Variants in GXYLT2 observed in about 807,000 individuals in gnomAD.
GXYLT2 encodes glycosyltransferase 8 domain containing 4.
GXYLT2 carries 53 observed loss-of-function variants against 45.8 expected under a neutral mutation model. The ratio of observed to expected loss-of-function variants is 1.16; its 90% CI spans 0.93 to 1.46. GXYLT2 has a LOEUF of 1.46. GXYLT2 is among the 40% of genes most tolerant of loss of function. The pLI, the probability that GXYLT2 is intolerant of heterozygous loss-of-function variation, is 0.00. For missense variants in GXYLT2, 551 were observed against 544.4 expected (o/e 1.01, Z -0.12); for synonymous variants, 219 against 214.2 (o/e 1.02, Z -0.19).
intron 3 of GXYLT2, among the ~76,000 whole-genome samples, chr3:72,924,766 A>AT (rs573699884): frequency 5.3e-5 from 8 of 150,064 alleles, no homozygotes; most frequent in African/African-American, 9.8e-5. Flanking sequence ...ATTTTACCAG[A>AT]TTTTTTTTTT....
At chr3:72,927,575 C>T (rs1385200531) in intron 3 of GXYLT2, among the ~76,000 whole-genome samples, 1 of 152,156 alleles carries the variant, frequency 6.6e-6, no homozygotes, top group East Asian at 1.9e-4. Context: ...ATTAATATTA[C>T]ACCTCAGTAT....
intron 1 of GXYLT2, among the ~76,000 whole-genome samples, chr3:72,901,633 T>C (rs1283871242): frequency 7.8e-6 from 1 of 127,740 alleles, no homozygotes; most frequent in Non-Finnish European, 1.6e-5. Flanking sequence ...TGATCTCAGC[T>C]CACTGCAAGC....
At chr3:72,949,356 C>G (rs1710471287) in intron 3 of GXYLT2, among the ~76,000 whole-genome samples, 1 of 152,046 alleles carries the variant, frequency 6.6e-6, no homozygotes, top group Non-Finnish European at 1.5e-5. Flanking sequence ...GGGAAGCTTT[C>G]CTTACTTTTC....
chr3:72,922,074 G>T (rs1161684080), intron 2 of GXYLT2, 130 bp from the exon 3 acceptor site: 3 of 745,932 alleles, frequency 4.0e-6, no homozygotes, highest in Non-Finnish European at 4.5e-6. Context: ...AACATTCATA[G>T]TGGTGATGAA....
chr3:72,925,712 C>T (rs1709906830), intron 3 of GXYLT2, among the ~76,000 whole-genome samples: 1 of 152,124 alleles, frequency 6.6e-6, no homozygotes, highest in African/African-American at 2.4e-5. Flanking sequence ...AATGGAACTA[C>T]ATTTGAATTT....
At chr3:72,950,560 G>T (rs921223676) in intron 3 of GXYLT2, among the ~76,000 whole-genome samples, 1 of 152,062 alleles carries the variant, frequency 6.6e-6, no homozygotes, top group African/African-American at 2.4e-5. Context: ...GAGCCTAGGA[G>T]GTCAAGGCTC....
intron 1 of GXYLT2, among the ~76,000 whole-genome samples, chr3:72,895,493 T>G (rs911692930): frequency 2.3e-4 from 35 of 152,248 alleles, no homozygotes; most frequent in Admixed American, 1.5e-3. Flanking sequence ...TTGGCCATAT[T>G]GACACGGTTC....
At chr3:72,889,051 C>T (rs1709125406) in intron 1 of GXYLT2, among the ~76,000 whole-genome samples, 1 of 152,150 alleles carries the variant, frequency 6.6e-6, no homozygotes, top group Non-Finnish European at 1.5e-5. Flanking sequence ...ACAGAAAAGA[C>T]AGAGTGGGGG....
At chr3:72,944,441 G>C (rs1021182581) in intron 3 of GXYLT2, among the ~76,000 whole-genome samples, 1 of 151,948 alleles carries the variant, frequency 6.6e-6, no homozygotes, top group African/African-American at 2.4e-5. Context: ...TTTTAGTGGA[G>C]ATGGGGTTTC....
intron 3 of GXYLT2, among the ~76,000 whole-genome samples, chr3:72,938,269 C>T (rs555343988): frequency 2.6e-5 from 4 of 152,118 alleles, no homozygotes; most frequent in Admixed American, 1.3e-4. Context: ...GATGGAAAGA[C>T]GGACAAATGG....
chr3:72,924,638 C>T (rs1709887851), intron 3 of GXYLT2, among the ~76,000 whole-genome samples: 1 of 152,224 alleles, frequency 6.6e-6, no homozygotes, highest in African/African-American at 2.4e-5. Flanking sequence ...AGGTCACTAA[C>T]TTGGTTTGGG....
intron 2 of GXYLT2, among the ~76,000 whole-genome samples, chr3:72,911,972 T>C (rs1709633208): frequency 6.9e-6 from 1 of 144,576 alleles, no homozygotes; most frequent in African/African-American, 2.6e-5. Context: ...TGTGTGTGTG[T>C]GTGCATGTGT....
At chr3:72,928,785 CA>C (rs10688804) in intron 3 of GXYLT2, among the ~76,000 whole-genome samples, 5 of 150,320 alleles carry the variant, frequency 3.3e-5, no homozygotes, top group Admixed American at 1.3e-4. Flanking sequence ...GAAATAACTC[CA>C]AAAAAAAACC....
chr3:72,959,606 A>T (rs895121413), intron 5 of GXYLT2, among the ~76,000 whole-genome samples: 1 of 151,346 alleles, frequency 6.6e-6, no homozygotes, highest in African/African-American at 2.4e-5. Context: ...GTAGGTCTGC[A>T]TCTCTTCCTT....
intron 3 of GXYLT2, among the ~76,000 whole-genome samples, chr3:72,933,802 C>T (rs112837395): frequency 0.011 from 1,658 of 152,022 alleles, 27 homozygotes; most frequent in African/African-American, 0.038. Flanking sequence ...CTGGGGGGGC[C>T]GAGCTTGGAG....
rs1003534880 is a variant in GXYLT2 at position 72,954,064 on chromosome 3, C to G, written c.601-1034C>G. Among the ~76,000 whole-genome samples the G allele has an allele frequency of 3.3e-5, 5 of 152,218 alleles. No homozygotes were observed. The East Asian group carries it at 9.7e-4, about 29-fold the overall frequency. On this transcript the variant is annotated intron_variant, in intron 3 of 6. Transcript: ENST00000389617. ...CAAGAGCATGCCACTGCACTGCAACCCGGACAACAGAGCAAGACCCTCATC... is the reference window on the plus strand; with the variant it reads ...CAAGAGCATGCCACTGCACTGCAACGCGGACAACAGAGCAAGACCCTCATC...
chr3:72,902,944 T>C (rs1559727185), intron 1 of GXYLT2, among the ~76,000 whole-genome samples: 1 of 152,114 alleles, frequency 6.6e-6, no homozygotes, highest in African/African-American at 2.4e-5. Context: ...ACCTGGGAGA[T>C]AGAGTTGCAG....
At chr3:72,903,076 G>A (rs11925587) in intron 1 of GXYLT2, among the ~76,000 whole-genome samples, 42,973 of 152,060 alleles carry the variant, frequency 0.28, 6,531 homozygotes, top group Non-Finnish European at 0.34. Flanking sequence ...ATCAAGCTGA[G>A]ACTTTATTGT....
At chr3:72,909,413 A>C (rs1351217605) in intron 2 of GXYLT2, among the ~76,000 whole-genome samples, 1 of 151,876 alleles carries the variant, frequency 6.6e-6, no homozygotes, top group Non-Finnish European at 1.5e-5. Context: ...ATGTTTGTAC[A>C]TATAGACATG....
Sources: gnomAD v4.1 joint callset for allele counts (sites outside exome capture counted in the v4.1 genomes callset) on GRCh38, gnomAD v4.1.1 for gene constraint, MANE v1.5 for transcripts, NCBI Gene and HGNC (gene_info 2026-07-23, HGNC 2026-07-21) for gene names.